Variants in DPP8 observed in about 807,000 individuals in gnomAD.
The protein encoded by DPP8 is dipeptidyl peptidase 8.
A neutral mutation model predicts 107.5 loss-of-function variants in DPP8; 31 were observed. The observed-to-expected ratio is 0.29, with a 90% CI of 0.22 to 0.39. The LOEUF is 0.39. DPP8 is among the 10% of genes least tolerant of loss of function. The pLI, the probability that DPP8 is intolerant of heterozygous loss-of-function variation, is 1.00. For synonymous variants in DPP8, 381 were observed against 356.6 expected, an observed-to-expected ratio of 1.07 and a Z score of -0.77; for missense variants, 842 against 1,076.1, an observed-to-expected ratio of 0.78 and a Z score of 3.04.
Position 65,466,605 on chromosome 15 carries a change from A to G in DPP8, c.1825+73T>C. 2.2e-6 allele frequency: 3 copies of G among 1,376,398 alleles called. No individual in the cohort carries two copies. In the South Asian group the frequency reaches 3.7e-5, roughly 17 times the overall value. 85.3% of individuals were successfully genotyped at this position (1,376,398 alleles called of 1,614,324 possible). A position where few individuals can be genotyped will look rare whatever the true frequency, so the allele number is the denominator to read the frequency against. On this transcript the variant is annotated intron_variant, in intron 14 of 19. Coordinates refer to ENST00000300141, the MANE Select transcript of DPP8 (RefSeq NM_130434.5). The stretch of plus-strand genomic sequence containing the variant: ...GGAAAGACTTGTCCAGGAAATGTGA[A>G]AATATGACACACGTTTAGTGTACTA...
At chr15:65,481,727 G>A in intron 8 of DPP8, 112 bp from the exon 9 acceptor site, 1 of 626,020 alleles carries the variant, frequency 1.6e-6, no homozygotes, top group South Asian at 2.4e-5. Flanking sequence ...TCCAGAGTTA[G>A]GTATTAAAAA....
intron 5 of DPP8, among the ~76,000 whole-genome samples, chr15:65,495,666 C>A (rs569466454): frequency 6.7e-6 from 1 of 149,750 alleles, no homozygotes; most frequent in African/African-American, 2.5e-5. Flanking sequence ...TTTGGGAGGC[C>A]GAGGTGGGTG....
chr15:65,473,878 C>T (rs1384897912), intron 12 of DPP8, among the ~76,000 whole-genome samples: 2 of 151,914 alleles, frequency 1.3e-5, no homozygotes, highest in Non-Finnish European at 2.9e-5. Flanking sequence ...CTGAGGAGGG[C>T]GAATCACAAG....
intron 4 of DPP8, among the ~76,000 whole-genome samples, chr15:65,499,103 GTGTA>G (rs933278312): frequency 1.5e-5 from 2 of 129,992 alleles, no homozygotes; most frequent in Non-Finnish European, 3.1e-5. Context: ...GTGTGTGTGT[GTGTA>G]TATATAAATT....
At chr15:65,462,612 G>A (rs770964725) in intron 15 of DPP8, among the ~76,000 whole-genome samples, 32 of 151,860 alleles carry the variant, frequency 2.1e-4, no homozygotes, top group Admixed American at 7.9e-4. Flanking sequence ...ACAGAGTCTC[G>A]CTCTGTCACC....
At chr15:65,512,718 C>T in intron 1 of DPP8, 154 bp from the exon 2 acceptor site, 1 of 694,394 alleles carries the variant, frequency 1.4e-6, no homozygotes. Context: ...AGAAAAGCAA[C>T]AGCTCTCCCT....
intron 8 of DPP8, among the ~76,000 whole-genome samples, chr15:65,482,483 T>C (rs1272158661): frequency 6.6e-6 from 1 of 152,130 alleles, no homozygotes; most frequent in Non-Finnish European, 1.5e-5. Context: ...GGTTTCACCA[T>C]GTTGGCCAGG....
intron 17 of DPP8, among the ~76,000 whole-genome samples, chr15:65,452,575 C>T (rs1217370430): frequency 6.6e-6 from 1 of 151,710 alleles, no homozygotes; most frequent in African/African-American, 2.4e-5. Flanking sequence ...CAGCTACAAA[C>T]CTGGGAAAAT....
At chr15:65,516,249 T>TA (rs2071425250) in intron 1 of DPP8, 1 of 155,056 alleles carries the variant, frequency 6.4e-6, no homozygotes, top group African/African-American at 2.4e-5. Flanking sequence ...CAGTAAGAGT[T>TA]ACAGGCCATT....
intron 1 of DPP8, among the ~76,000 whole-genome samples, chr15:65,514,135 C>A (rs996331932): frequency 6.6e-6 from 1 of 152,170 alleles, no homozygotes; most frequent in Non-Finnish European, 1.5e-5. Context: ...ATTAAGCACA[C>A]GTTACTGGCA....
intron 9 of DPP8, among the ~76,000 whole-genome samples, chr15:65,481,083 CA>C (rs61413262): frequency 2.0e-4 from 30 of 147,292 alleles, no homozygotes; most frequent in Non-Finnish European, 2.4e-4. Flanking sequence ...GACCATGACT[CA>C]AAAAAAAAAA....
rs377375712 is a variant in DPP8 at position 65,512,497 on chromosome 15, G to A, written c.57C>T (p.Asp19=). The change falls in exon 2 of 20, where the codon GAC becomes GAT. Residue 19 remains aspartate, a synonymous_variant. Coordinates refer to ENST00000300141, the MANE Select transcript of DPP8 (RefSeq NM_130434.5). The part of the protein sequence containing the change: ...QLGVEIFETA[D]CEENIESQDR... ...CCTGTGATTCAATATTCTCCTCACA[G>A]TCCGCAGTTTCAAATATCTCAACAC... The A allele has an allele frequency of 2.7e-5, 44 of 1,613,976 alleles. No homozygotes were observed. The highest frequency in any genetic ancestry group is 3.6e-5 in the Non-Finnish European group (42 of 1,180,012).
chr15:65,450,470 T>C (rs527348651), intron 19 of DPP8, among the ~76,000 whole-genome samples: 86 of 152,232 alleles, frequency 5.6e-4, no homozygotes, highest in African/African-American at 2.0e-3. Flanking sequence ...GAAAAAGTAA[T>C]TTTTTCATTT....
chr15:65,456,892 A>G (rs771513576), intron 15 of DPP8, among the ~76,000 whole-genome samples: 1 of 152,092 alleles, frequency 6.6e-6, no homozygotes, highest in African/African-American at 2.4e-5. Context: ...TGTCAACACT[A>G]TCAAGTTGGT....
chr15:65,497,813 T>C, intron 5 of DPP8, 51 bp downstream of exon 5: 1 of 1,333,732 alleles, frequency 7.5e-7, no homozygotes, highest in Non-Finnish European at 9.9e-7. Context: ...CAGCAAATTA[T>C]ACTTCAAAAA....
rs151144081 is a variant in DPP8 at position 65,505,160 on chromosome 15, C to T, written c.372+2083G>A. Among the ~76,000 whole-genome samples the T allele has an allele frequency of 1.8e-3, 279 of 151,802 alleles. 1 individual carries two copies. Among genetic ancestry groups the T allele is most frequent in the African/African-American group, 6.4e-3 (265 of 41,358 alleles). On this transcript the variant is annotated intron_variant, in intron 3 of 19. Transcript: ENST00000300141. Reference sequence around the variant, plus strand: ...CACGAGGTCAGGAGATTGAGACTATCCTGCCTAACACAGTGAAACCCCGTC... The same window carrying T: ...CACGAGGTCAGGAGATTGAGACTATTCTGCCTAACACAGTGAAACCCCGTC...
intron 3 of DPP8, among the ~76,000 whole-genome samples, chr15:65,503,171 G>A (rs946396623): frequency 1.3e-5 from 2 of 152,110 alleles, no homozygotes; most frequent in African/African-American, 2.4e-5. Context: ...GCAATGGCGC[G>A]ATCTCGGCTC....
intron 2 of DPP8, among the ~76,000 whole-genome samples, chr15:65,510,287 G>T (rs2070596775): frequency 6.6e-6 from 1 of 152,098 alleles, no homozygotes; most frequent in Non-Finnish European, 1.5e-5. Flanking sequence ...CTGTACTCCA[G>T]CCTAGAAGAC....
At chr15:65,449,186 G>C (rs1280560990) in intron 19 of DPP8, among the ~76,000 whole-genome samples, 2 of 140,236 alleles carry the variant, frequency 1.4e-5, no homozygotes, top group African/African-American at 5.2e-5. Context: ...CTCCAGCCTG[G>C]GTGACAGAGC....
Sources: gnomAD v4.1 joint callset for allele counts (sites outside exome capture counted in the v4.1 genomes callset) on GRCh38, gnomAD v4.1.1 for gene constraint, MANE v1.5 for transcripts, NCBI Gene and HGNC (gene_info 2026-07-23, HGNC 2026-07-21) for gene names.